Variants in MKRN1 observed in about 807,000 individuals in gnomAD.
MKRN1 encodes the protein makorin ring finger protein 1, also known as E3 ubiquitin-protein ligase makorin-1.
In MKRN1, 9 loss-of-function variants were observed where a neutral mutation model predicts 55.5. The ratio of observed to expected loss-of-function variants is 0.16; its 90% CI spans 0.10 to 0.28. The LOEUF is 0.28. Among genes scored for constraint, MKRN1 ranks in the 10% least tolerant of loss-of-function variants. The probability of loss-of-function intolerance (pLI) is 1.00; values close to 1 mark genes in which losing one functional copy is unlikely to be tolerated. For missense variants in MKRN1, 488 were observed against 626.7 expected, an observed-to-expected ratio of 0.78 and a Z score of 2.36; for synonymous variants, 253 against 235.9, an observed-to-expected ratio of 1.07 and a Z score of -0.66.
intron 2 of MKRN1, among the ~76,000 whole-genome samples, chr7:140,464,130 G>C (rs1405592301): frequency 6.6e-6 from 1 of 151,914 alleles, no homozygotes; most frequent in Non-Finnish European, 1.5e-5. Flanking sequence ...TGTTGGCCAG[G>C]CTAGTCTTTG....
At chr7:140,475,378 G>A (rs1490200125) in intron 1 of MKRN1, 1 of 348,992 alleles carries the variant, frequency 2.9e-6, no homozygotes, top group Non-Finnish European at 5.7e-6. Context: ...CAACTTTCAA[G>A]GCCAAGCATG....
At chr7:140,469,463 A>C (rs908514625) in intron 2 of MKRN1, among the ~76,000 whole-genome samples, 2 of 152,196 alleles carry the variant, frequency 1.3e-5, no homozygotes, top group African/African-American at 2.4e-5. Flanking sequence ...GGCTGGACTT[A>C]GTAACTTAGT....
intron 1 of MKRN1, among the ~76,000 whole-genome samples, chr7:140,475,525 G>T (rs1223438974): frequency 6.6e-6 from 1 of 152,046 alleles, no homozygotes; most frequent in African/African-American, 2.4e-5. Context: ...TTAGCCTGGG[G>T]TGGTGGCACG....
intron 2 of MKRN1, among the ~76,000 whole-genome samples, chr7:140,465,584 C>G (rs1281987783): frequency 6.6e-6 from 1 of 151,866 alleles, no homozygotes; most frequent in Non-Finnish European, 1.5e-5. Flanking sequence ...GACTAGATAT[C>G]TGCAATATGC....
chr7:140,471,285 G>C lies in MKRN1; in HGVS notation c.314+598C>G, dbSNP rs547969694. ...CCAGCTACTTGGGAGGCTGAGGTGA[G>C]AGGATCATTTCAGCCTGGTAAGTTG... On this transcript the variant is annotated intron_variant, in intron 2 of 7. Transcript: ENST00000255977. Among the ~76,000 whole-genome samples, 69 of 152,066 alleles carry C rather than the reference G, an allele frequency of 4.5e-4. 1 individual carries two copies. The South Asian group carries it at 6.0e-3, about 13-fold the overall frequency.
At chr7:140,474,551 T>C (rs1795063123) in intron 1 of MKRN1, 1 of 185,804 alleles carries the variant, frequency 5.4e-6, no homozygotes, top group South Asian at 7.3e-5. Flanking sequence ...TGGTGAATCA[T>C]GGTAGCGATA....
chr7:140,476,697 G>A (rs919521510), intron 1 of MKRN1, among the ~76,000 whole-genome samples: 1 of 151,018 alleles, frequency 6.6e-6, no homozygotes, highest in Admixed American at 6.6e-5. Flanking sequence ...CATGATACTG[G>A]AACTGAGGAA....
chr7:140,463,141 G>A (rs866154099), intron 2 of MKRN1, among the ~76,000 whole-genome samples: 5 of 152,152 alleles, frequency 3.3e-5, no homozygotes, highest in African/African-American at 1.2e-4. Context: ...AAACTACCTC[G>A]CCTTGCAGCA....
chr7:140,468,234 G>C (rs1305209635), intron 2 of MKRN1, among the ~76,000 whole-genome samples: 1 of 151,922 alleles, frequency 6.6e-6, no homozygotes, highest in East Asian at 1.9e-4. Flanking sequence ...TCCTGCCCCA[G>C]TCACAGTTGG....
In MKRN1 at chr7:140,479,293, C is replaced by G; in HGVS notation, c.52G>C (p.Ala18Pro). 1 of 1,380,120 alleles carries G rather than the reference C, an allele frequency of 7.2e-7. No individual in the cohort carries two copies. Among genetic ancestry groups the G allele is most frequent in the Non-Finnish European group, 9.4e-7 (1 of 1,065,708 alleles). 85.5% of individuals were successfully genotyped at this position (1,380,120 alleles called of 1,614,324 possible). Residue 18 changes from alanine (A) to proline (P), a missense_variant, in exon 1 of 8, where the codon GCG (alanine) becomes CCG (proline). By Grantham distance (27) the Ala-to-Pro change is conservative (BLOSUM62 -1). This residue lies in a region of MKRN1 where 210 missense variants were observed against 220.0 expected (regional missense o/e 0.95). Transcript: ENST00000255977. The stretch of plus-strand genomic sequence containing the variant: ...GCTGCTGCCGCCGTCGCCGCTGCCG[C>G]TCCTGCTCCTGATGTTGTGGCTGTT... ...GTTATTSGAG[A>P]AAATAAAASP... is the part of the protein sequence containing the mutation.
intron 2 of MKRN1, among the ~76,000 whole-genome samples, chr7:140,467,676 G>A (rs540468220): frequency 6.6e-5 from 10 of 152,214 alleles, no homozygotes; most frequent in South Asian, 4.1e-4. Context: ...TATTTGGGGC[G>A]GGCAAAGTTG....
At chr7:140,472,129 C>A (rs372370683) in intron 1 of MKRN1, 118 bp from the exon 2 acceptor site, 3 of 1,397,702 alleles carry the variant, frequency 2.1e-6, no homozygotes, top group East Asian at 2.5e-5. Flanking sequence ...GAAATAAACA[C>A]AAAGAAAGGG....
chr7:140,472,860 G>A (rs540740633), intron 1 of MKRN1, among the ~76,000 whole-genome samples: 2 of 151,596 alleles, frequency 1.3e-5, no homozygotes, highest in African/African-American at 4.8e-5. Flanking sequence ...GCCCACACCT[G>A]TAATCCCAGC....
chr7:140,454,780 T>C (rs1370583059), intron 7 of MKRN1, 51 bp from the exon 8 acceptor site: 2 of 1,566,414 alleles, frequency 1.3e-6, no homozygotes, highest in South Asian at 1.1e-5. Flanking sequence ...CAGTATCTTC[T>C]ATCCTGTTGT....
At chr7:140,458,940 C>A (rs994707901) in intron 4 of MKRN1, 67 bp downstream of exon 4, 5 of 1,519,886 alleles carry the variant, frequency 3.3e-6, no homozygotes, top group Non-Finnish European at 3.6e-6. Context: ...AATAAACCCA[C>A]AATGCTGTGA....
intron 5 of MKRN1, 166 bp from the exon 6 acceptor site, chr7:140,456,066 A>T: frequency 2.1e-6 from 2 of 970,072 alleles, no homozygotes; most frequent in Non-Finnish European, 2.8e-6. Context: ...CATTTCTTTC[A>T]AGCAAGGCAA....
chr7:140,464,387 G>A (rs1402444990), intron 2 of MKRN1, among the ~76,000 whole-genome samples: 5 of 151,318 alleles, frequency 3.3e-5, no homozygotes, highest in African/African-American at 1.2e-4. Flanking sequence ...CTGGATGACA[G>A]AGCAAGACTA....
intron 1 of MKRN1, chr7:140,473,414 G>A (rs1794993782): frequency 9.7e-6 from 3 of 309,372 alleles, no homozygotes; most frequent in South Asian, 7.8e-5. Context: ...CCAACATAGA[G>A]AACAAGAAAC....
In MKRN1 at chr7:140,479,323, C is replaced by G; in HGVS notation, c.22G>C (p.Gly8Arg). The change falls in exon 1 of 8, where the codon GGA becomes CGA. Residue 8 changes from glycine (G) to arginine (R), a missense_variant. By Grantham distance (125) the Gly-to-Arg change is moderately radical. Transcript: ENST00000255977. MAEAATP[G>R]TTATTSGAGA... ...GCTCCTGATGTTGTGGCTGTTGTTC[C>G]GGGAGTTGCAGCCTCCGCCATTACT... 7.6e-7 allele frequency: 1 copy of G among 1,309,894 alleles called. No individual in the cohort carries two copies. Among genetic ancestry groups the G allele is most frequent in the Non-Finnish European group, 9.8e-7 (1 of 1,024,858 alleles). The allele number at this position is 1,309,894 out of a possible 1,614,324, so 81.1% of individuals were successfully genotyped here.
Sources: allele counts gnomAD v4.1 joint callset (sites outside exome capture counted in the v4.1 genomes callset), GRCh38; gene constraint gnomAD v4.1.1; regional missense constraint gnomAD v4.1.1; transcripts MANE v1.5; gene names NCBI Gene and HGNC (gene_info 2026-07-23, HGNC 2026-07-21).